RPS6KA2: variants seen among roughly 807,000 people sequenced by gnomAD.
RPS6KA2 encodes ribosomal protein S6 kinase A2, also known as ribosomal protein S6 kinase alpha-2.
In RPS6KA2, 42 loss-of-function variants were observed where a neutral mutation model predicts 91.8. The observed-to-expected ratio is 0.46, with a 90% CI of 0.36 to 0.59. The LOEUF is 0.59. Among genes scored for constraint, RPS6KA2 ranks in the 20% least tolerant of loss-of-function variants. The pLI, the probability that RPS6KA2 is intolerant of heterozygous loss-of-function variation, is 0.00. For missense variants in RPS6KA2, 798 were observed against 978.5 expected, an observed-to-expected ratio of 0.82 and a Z score of 2.46; for synonymous variants, 414 against 393.6, an observed-to-expected ratio of 1.05 and a Z score of -0.61.
At position 166,816,391 on chromosome 6, in the gene RPS6KA2, C is replaced by CAAA. The variant is rs61347721; in HGVS notation, c.123+41806_123+41808dup. Among the ~76,000 whole-genome samples the CAAA allele has an allele frequency of 4.9e-3, 583 of 120,072 alleles. 18 individuals are homozygous for CAAA. Among genetic ancestry groups the CAAA allele is most frequent in the East Asian group, 0.017 (67 of 4,020 alleles). 78.8% of individuals were successfully genotyped at this position (120,072 alleles called of 152,430 possible). On this transcript the variant is annotated intron_variant, in intron 2 of 21. Transcript: ENST00000503859. Reference sequence around the variant, plus strand: ...TGAAACCCCGTCTCTACTAAAAATACAAAAAAAAAAAAAAATAGCTGGGTG... The same window carrying CAAA: ...TGAAACCCCGTCTCTACTAAAAATACAAAAAAAAAAAAAAAAAATAGCTGGGTG...
At chr6:166,759,211 C>A (rs1216889683) in intron 2 of RPS6KA2, among the ~76,000 whole-genome samples, 1 of 152,184 alleles carries the variant, frequency 6.6e-6, no homozygotes, top group Non-Finnish European at 1.5e-5. Flanking sequence ...TTTTTATTAA[C>A]CCTACTTTCC....
intron 2 of RPS6KA2, among the ~76,000 whole-genome samples, chr6:166,652,766 G>A (rs1340376428): frequency 2.0e-5 from 3 of 152,158 alleles, no homozygotes; most frequent in Admixed American, 6.5e-5. Flanking sequence ...GTGGTGAATC[G>A]TACCGAGATT....
intron 2 of RPS6KA2, among the ~76,000 whole-genome samples, chr6:166,673,605 A>G (rs1481938906): frequency 2.0e-5 from 3 of 152,378 alleles, no homozygotes; most frequent in East Asian, 3.9e-4. Flanking sequence ...AAAACAGGAC[A>G]AAAGTTTGCA....
Position 166,626,859 on chromosome 6 carries a change from C to G in RPS6KA2, c.99+62G>C. The G allele has an allele frequency of 7.6e-7, 1 of 1,321,806 alleles. No homozygotes were observed. Among genetic ancestry groups the G allele is most frequent in the Non-Finnish European group, 9.8e-7 (1 of 1,020,058 alleles). The allele number at this position is 1,321,806 out of a possible 1,614,324, so 81.9% of individuals were successfully genotyped here. The stretch of plus-strand genomic sequence containing the variant: ...GTCCACCCAGGGGTGGCGAGGCGGG[C>G]TCGGGCGACCACGGCCCGCTCAGTG... On this transcript the variant is annotated intron_variant, in intron 1 of 20. Transcript: ENST00000265678. This position sits in a 1 kb window ranked among gnomAD's most constrained non-coding sequence, Gnocchi z 4.1.
intron 14 of RPS6KA2, among the ~76,000 whole-genome samples, chr6:166,443,268 G>C (rs1779575808): frequency 6.6e-6 from 1 of 152,140 alleles, no homozygotes; most frequent in Non-Finnish European, 1.5e-5. Flanking sequence ...TCTGAAAAGG[G>C]GGGCACTCAC....
chr6:166,511,072 G>T (rs1330662080), intron 3 of RPS6KA2, among the ~76,000 whole-genome samples: 1 of 152,314 alleles, frequency 6.6e-6, no homozygotes, highest in African/African-American at 2.4e-5. Flanking sequence ...GGTGATGCCT[G>T]TACTTTAGCC....
rs955950222 is a variant in RPS6KA2 at position 166,732,638 on chromosome 6, C to A, written c.123+125562G>T. On this transcript the variant is annotated intron_variant, in intron 2 of 21. Coordinates refer to the RPS6KA2 transcript ENST00000503859. This position sits in a 1 kb window ranked among gnomAD's most constrained non-coding sequence, Gnocchi z 4.0. The stretch of plus-strand genomic sequence containing the variant: ...TTCAACCAGCATCAAAGAAAGGAGC[C>A]GCCTTTGCAGGGATTGCTGTCTAGG... Among the ~76,000 whole-genome samples, 1 of 152,226 alleles carries A rather than the reference C, an allele frequency of 6.6e-6. No homozygotes were observed. Among genetic ancestry groups the A allele is most frequent in the Non-Finnish European group, 1.5e-5 (1 of 68,050 alleles).
chr6:166,856,815 T>A (rs562663169), intron 2 of RPS6KA2, among the ~76,000 whole-genome samples: 1 of 152,354 alleles, frequency 6.6e-6, no homozygotes, highest in South Asian at 2.1e-4. Flanking sequence ...TTGAGCATCA[T>A]ATTTTCAGGA....
At chr6:166,669,975 G>A (rs1788425441) in intron 2 of RPS6KA2, among the ~76,000 whole-genome samples, 1 of 152,224 alleles carries the variant, frequency 6.6e-6, no homozygotes, top group Admixed American at 6.5e-5. Flanking sequence ...GTGGGTTGAG[G>A]GTTGCTCCTC....
intron 1 of RPS6KA2, among the ~76,000 whole-genome samples, chr6:166,585,565 C>A (rs1583302261): frequency 1.3e-5 from 1 of 77,186 alleles, no homozygotes. Flanking sequence ...AAAAGAGACT[C>A]AAGTGTGGAG....
At chr6:166,715,030 A>G (rs1789972423) in intron 2 of RPS6KA2, among the ~76,000 whole-genome samples, 1 of 152,166 alleles carries the variant, frequency 6.6e-6, no homozygotes, top group Admixed American at 6.5e-5. Flanking sequence ...TCCAAACACC[A>G]ACACATCCAA....
intron 2 of RPS6KA2, among the ~76,000 whole-genome samples, chr6:166,684,096 C>T (rs1002794967): frequency 3.9e-5 from 6 of 152,142 alleles, no homozygotes; most frequent in Admixed American, 3.3e-4. Context: ...GATCAGAAAA[C>T]AGGGCCCAAC....
At chr6:166,447,736 C>A (rs1043854325) in intron 14 of RPS6KA2, among the ~76,000 whole-genome samples, 3 of 152,152 alleles carry the variant, frequency 2.0e-5, no homozygotes, top group African/African-American at 7.2e-5. Context: ...GAAAATTACT[C>A]TTTTTACACG....
chr6:166,484,813 A>G (rs1056440697), intron 10 of RPS6KA2, among the ~76,000 whole-genome samples: 3 of 152,264 alleles, frequency 2.0e-5, no homozygotes, highest in Non-Finnish European at 4.4e-5. Flanking sequence ...AAAAATTAAA[A>G]TTATTTAAAG....
intron 1 of RPS6KA2, among the ~76,000 whole-genome samples, chr6:166,568,102 G>A (rs1049119246): frequency 2.0e-5 from 3 of 152,086 alleles, no homozygotes; most frequent in Non-Finnish European, 4.4e-5. Flanking sequence ...AGAGAAAAGG[G>A]GACACTGGAT....
intron 1 of RPS6KA2, among the ~76,000 whole-genome samples, chr6:166,577,227 G>C (rs950939808): frequency 6.6e-6 from 1 of 152,234 alleles, no homozygotes; most frequent in Admixed American, 6.5e-5. Flanking sequence ...CAGTGCAGAA[G>C]GGAAATGTGG....
At chr6:166,593,249 G>C (rs943367341) in intron 1 of RPS6KA2, among the ~76,000 whole-genome samples, 6 of 152,136 alleles carry the variant, frequency 3.9e-5, no homozygotes, top group Non-Finnish European at 7.3e-5. Flanking sequence ...AGAGCTAAAA[G>C]AGAAACAGAA....
intron 3 of RPS6KA2, among the ~76,000 whole-genome samples, chr6:166,528,671 C>G: frequency 6.6e-6 from 1 of 152,148 alleles, no homozygotes; most frequent in South Asian, 2.1e-4. Flanking sequence ...ATCTCCCCAT[C>G]TGACAAAGGG....
chr6:166,513,046 C>A (rs1245074718), intron 3 of RPS6KA2, among the ~76,000 whole-genome samples: 1 of 152,194 alleles, frequency 6.6e-6, no homozygotes, highest in African/African-American at 2.4e-5. Flanking sequence ...TTGAGCCACA[C>A]ATAAAATACA....
Sources: allele counts gnomAD v4.1 joint callset (sites outside exome capture counted in the v4.1 genomes callset), GRCh38; gene constraint gnomAD v4.1.1; non-coding constraint Gnocchi (gnomAD v3.1); transcripts MANE v1.5; gene names NCBI Gene and HGNC (gene_info 2026-07-23, HGNC 2026-07-21).